HSF2BP: variants seen among roughly 807,000 people sequenced by gnomAD.
The protein encoded by HSF2BP is heat shock transcription factor 2 binding protein.
A neutral mutation model predicts 35.0 loss-of-function variants in HSF2BP; 35 were observed. The ratio of observed to expected loss-of-function variants is 1.00; its 90% confidence interval spans 0.76 to 1.32. The LOEUF is 1.32. HSF2BP is among the 40% of genes most tolerant of loss of function. The pLI is 0.00. For synonymous variants in HSF2BP, 114 were observed against 117.4 expected, an observed-to-expected ratio of 0.97 and a Z score of 0.18; for missense variants, 326 against 321.7, an observed-to-expected ratio of 1.01 and a Z score of -0.10.
intron 8 of HSF2BP, among the ~76,000 whole-genome samples, chr21:43,583,970 A>G (rs1445338962): frequency 1.8e-4 from 20 of 110,892 alleles, no homozygotes; most frequent in Middle Eastern, 6.9e-3. Context: ...GACCTGCCGA[A>G]GGAGATGAAG....
chr21:43,612,351 T>C (rs988520807), intron 7 of HSF2BP, among the ~76,000 whole-genome samples: 2 of 152,172 alleles, frequency 1.3e-5, no homozygotes, highest in African/African-American at 2.4e-5. Flanking sequence ...ACAGAAGCTC[T>C]TACTTTTTAA....
intron 4 of HSF2BP, among the ~76,000 whole-genome samples, chr21:43,635,725 T>C (rs1187293758): frequency 6.6e-6 from 1 of 152,102 alleles, no homozygotes; most frequent in African/African-American, 2.4e-5. Context: ...AAGACTAGCC[T>C]GACCAACATG....
intron 7 of HSF2BP, among the ~76,000 whole-genome samples, chr21:43,595,569 G>C (rs1005497964): frequency 1.3e-5 from 2 of 151,730 alleles, no homozygotes; most frequent in African/African-American, 2.4e-5. Flanking sequence ...GAGGTGGGAG[G>C]ATCACTTGAG....
At chr21:43,642,191 T>C (rs2082645977) in intron 4 of HSF2BP, among the ~76,000 whole-genome samples, 1 of 151,980 alleles carries the variant, frequency 6.6e-6, no homozygotes, top group African/African-American at 2.4e-5. Context: ...TTGTAAAAAA[T>C]AAAAATTAAT....
intron 2 of HSF2BP, 93 bp from the exon 3 acceptor site, chr21:43,656,830 G>A: frequency 1.0e-6 from 1 of 992,124 alleles, no homozygotes; most frequent in South Asian, 1.5e-5. Context: ...CACCTCTTAT[G>A]TGCATCGTTG....
At chr21:43,640,489 A>G (rs578235740) in intron 4 of HSF2BP, among the ~76,000 whole-genome samples, 179 of 152,374 alleles carry the variant, frequency 1.2e-3, no homozygotes, top group Admixed American at 5.9e-3. Flanking sequence ...TGGTGGTTAC[A>G]TGAATCTACA....
At chr21:43,648,483 G>A (rs940311099) in intron 3 of HSF2BP, among the ~76,000 whole-genome samples, 11 of 152,176 alleles carry the variant, frequency 7.2e-5, no homozygotes, top group Admixed American at 5.2e-4. Context: ...CGCTCCACTC[G>A]TTAGTTCCCG....
chr21:43,600,967 T>A (rs2082044708), intron 7 of HSF2BP, among the ~76,000 whole-genome samples: 1 of 152,256 alleles, frequency 6.6e-6, no homozygotes. Context: ...TTGTTTATGT[T>A]GATTTCTATA....
chr21:43,506,123 C>T, the HSF2BP span, among the ~76,000 whole-genome samples: 1 of 133,100 alleles, frequency 7.5e-6, no homozygotes, highest in African/African-American at 2.8e-5. Context: ...TCTTCCTTCG[C>T]GGGAGAAACC....
At chr21:43,595,192 G>A (rs900345440) in intron 7 of HSF2BP, among the ~76,000 whole-genome samples, 1 of 152,174 alleles carries the variant, frequency 6.6e-6, no homozygotes, top group Non-Finnish European at 1.5e-5. Flanking sequence ...AATGCAGGAG[G>A]CAGAGGTTAT....
intron 5 of HSF2BP, among the ~76,000 whole-genome samples, chr21:43,631,555 G>A (rs546187859): frequency 7.2e-5 from 11 of 152,230 alleles, no homozygotes; most frequent in African/African-American, 2.7e-4. Flanking sequence ...ACTGTCAGGT[G>A]AATCTTTCTA....
At chr21:43,641,324 A>G in intron 4 of HSF2BP, among the ~76,000 whole-genome samples, 1 of 152,008 alleles carries the variant, frequency 6.6e-6, no homozygotes, top group East Asian at 1.9e-4. Context: ...TTGTGCCTTT[A>G]CCAGGAAGCT....
chr21:43,580,015 G>A (rs1045858953), intron 8 of HSF2BP, among the ~76,000 whole-genome samples: 13 of 152,102 alleles, frequency 8.5e-5, no homozygotes, highest in African/African-American at 2.9e-4. Context: ...CTGATGCCTC[G>A]ACCTGTCTCC....
chr21:43,575,273 C>T (rs1331925666), intron 8 of HSF2BP, among the ~76,000 whole-genome samples: 2 of 152,236 alleles, frequency 1.3e-5, no homozygotes, highest in African/African-American at 2.4e-5. Flanking sequence ...GCTCGCCTTT[C>T]GAGGTGACGC....
chr21:43,646,737 C>T (rs899766327), intron 3 of HSF2BP, among the ~76,000 whole-genome samples: 3 of 152,340 alleles, frequency 2.0e-5, no homozygotes, highest in Admixed American at 2.0e-4. Context: ...CTACGATAGG[C>T]AATCTCATAG....
chr21:43,640,455 G>C (rs535358706), intron 4 of HSF2BP, among the ~76,000 whole-genome samples: 92 of 152,368 alleles, frequency 6.0e-4, no homozygotes, highest in Non-Finnish European at 1.2e-4. Context: ...GAGCCTTACG[G>C]CAATGGTACA....
chr21:43,649,971 A>T (rs1303251736), intron 3 of HSF2BP, among the ~76,000 whole-genome samples: 1 of 152,278 alleles, frequency 6.6e-6, no homozygotes, highest in East Asian at 1.9e-4. Context: ...GCAACTCCTT[A>T]TCTGTGGGAT....
At chr21:43,636,260 A>C (rs1272358534) in intron 4 of HSF2BP, among the ~76,000 whole-genome samples, 1 of 128,472 alleles carries the variant, frequency 7.8e-6, no homozygotes, top group African/African-American at 2.9e-5. Flanking sequence ...AAAGAAAAGA[A>C]AAGAAAAGAA....
intron 4 of HSF2BP, among the ~76,000 whole-genome samples, chr21:43,637,397 G>A (rs1458754026): frequency 6.6e-6 from 1 of 152,124 alleles, no homozygotes; most frequent in East Asian, 1.9e-4. Flanking sequence ...GCCTGGGGCT[G>A]TGCAAGAGAG....
Sources: allele counts gnomAD v4.1 joint callset (sites outside exome capture counted in the v4.1 genomes callset), GRCh38; gene constraint gnomAD v4.1.1; transcripts MANE v1.5; gene names NCBI Gene and HGNC (gene_info 2026-07-23, HGNC 2026-07-21).